Variants in SNTG1 observed in about 807,000 individuals in gnomAD.
SNTG1 encodes the protein gamma-1-syntrophin.
In SNTG1, 39 loss-of-function variants were observed where a neutral mutation model predicts 74.7. The ratio of observed to expected loss-of-function variants is 0.52; its 90% CI spans 0.40 to 0.68. The LOEUF (loss-of-function observed/expected upper bound fraction) is 0.68, where lower values mean the gene tolerates loss of function less well. Ranked by LOEUF, SNTG1 falls within the 30% of genes least tolerant of loss-of-function variation. The pLI is 0.00. For synonymous variants in SNTG1, 254 were observed against 217.1 expected (o/e 1.17, Z -1.49); for missense variants, 685 against 609.5 (o/e 1.12, Z -1.30).
intron 15 of SNTG1, among the ~76,000 whole-genome samples, chr8:50,687,950 C>T (rs1448226406): frequency 2.1e-4 from 32 of 152,148 alleles, no homozygotes; most frequent in Non-Finnish European, 1.6e-4. Context: ...TCGCCATTCT[C>T]ACTGGTGTTA....
chr8:50,553,102 C>G lies in SNTG1; in HGVS notation c.733C>G (p.Gln245Glu). The G allele has an allele frequency of 1.2e-6, 2 of 1,613,960 alleles. No individual in the cohort carries two copies. The highest frequency in any genetic ancestry group is 8.5e-7 in the Non-Finnish European group (1 of 1,179,876). Residue 245 changes from glutamine (Q) to glutamate (E), a missense_variant, in exon 12 of 19, where the codon CAG becomes GAG. By Grantham distance (29) the Gln-to-Glu change is conservative. Transcript: ENST00000642720. ...AVDGVCTGII[Q>E]CLSAEDCVDW... ...GGATGGGGTCTGCACTGGGATTATTCAGTGCCTCTCTGCTGAAGACTGCGT... is the reference window on the plus strand; with the variant it reads ...GGATGGGGTCTGCACTGGGATTATTGAGTGCCTCTCTGCTGAAGACTGCGT...
At chr8:50,704,360 G>A (rs1414262446) in intron 15 of SNTG1, among the ~76,000 whole-genome samples, 2 of 152,182 alleles carry the variant, frequency 1.3e-5, no homozygotes, top group African/African-American at 4.8e-5. Flanking sequence ...TTGTTAGTAA[G>A]AGATGAAGCC....
At chr8:50,284,951 G>A (rs187923567) in intron 2 of SNTG1, among the ~76,000 whole-genome samples, 33 of 151,994 alleles carry the variant, frequency 2.2e-4, no homozygotes, top group African/African-American at 7.5e-4. Flanking sequence ...TTGTTTGCTT[G>A]GAAATGTTAT....
intron 17 of SNTG1, among the ~76,000 whole-genome samples, chr8:50,712,603 G>A (rs1321459933): frequency 6.6e-6 from 1 of 151,970 alleles, no homozygotes; most frequent in Non-Finnish European, 1.5e-5. Context: ...CCGTCATCTA[G>A]GTTTTAACCC....
chr8:50,389,367 A>G (rs1039833945), intron 2 of SNTG1, among the ~76,000 whole-genome samples: 6 of 152,180 alleles, frequency 3.9e-5, no homozygotes, highest in African/African-American at 1.4e-4. Context: ...AGACTTATCC[A>G]GTGGAAATAC....
At chr8:50,784,515 A>G (rs1481001637) in intron 18 of SNTG1, among the ~76,000 whole-genome samples, 1 of 152,234 alleles carries the variant, frequency 6.6e-6, no homozygotes, top group Non-Finnish European at 1.5e-5. Context: ...ATATTTGATG[A>G]TAACAGAGCT....
intron 10 of SNTG1, 82 bp downstream of exon 10, chr8:50,530,341 G>T (rs544350687): frequency 7.9e-7 from 1 of 1,272,980 alleles, no homozygotes; most frequent in African/African-American, 1.5e-5. Context: ...TGATTTATCT[G>T]ACAGATAGGA....
At chr8:50,750,314 G>A (rs1437342457) in intron 17 of SNTG1, among the ~76,000 whole-genome samples, 4 of 152,002 alleles carry the variant, frequency 2.6e-5, no homozygotes, top group East Asian at 3.9e-4. Flanking sequence ...TCTTATGGAG[G>A]AGCAAAGAAA....
intron 2 of SNTG1, among the ~76,000 whole-genome samples, chr8:50,183,324 T>A (rs2083273237): frequency 6.6e-6 from 1 of 152,164 alleles, no homozygotes. Context: ...GCTATGCTGC[T>A]TCCCTCTCAG....
At chr8:50,703,065 A>G (rs909866649) in intron 15 of SNTG1, among the ~76,000 whole-genome samples, 2 of 152,166 alleles carry the variant, frequency 1.3e-5, no homozygotes, top group East Asian at 1.9e-4. Context: ...ATACAGCACT[A>G]TAGACTTTAT....
At chr8:50,413,547 A>G (rs2092976850) in intron 4 of SNTG1, among the ~76,000 whole-genome samples, 1 of 152,186 alleles carries the variant, frequency 6.6e-6, no homozygotes, top group African/African-American at 2.4e-5. Context: ...TGTCACTCTG[A>G]CATATCTATC....
intron 15 of SNTG1, among the ~76,000 whole-genome samples, chr8:50,662,528 T>A (rs375210083): frequency 6.6e-6 from 1 of 152,204 alleles, no homozygotes; most frequent in African/African-American, 2.4e-5. Flanking sequence ...TTTAAGTAAA[T>A]AGCCTAAGGT....
chr8:50,781,617 T>C (rs1283942686), intron 18 of SNTG1, among the ~76,000 whole-genome samples: 1 of 152,196 alleles, frequency 6.6e-6, no homozygotes, highest in Non-Finnish European at 1.5e-5. Context: ...TGAGATGGGT[T>C]TCCTGAATAC....
At chr8:49,960,429 C>A (rs773143286) in intron 1 of SNTG1, among the ~76,000 whole-genome samples, 1 of 152,060 alleles carries the variant, frequency 6.6e-6, no homozygotes, top group Non-Finnish European at 1.5e-5. Flanking sequence ...CCACTTACAG[C>A]ATAATATACA....
chr8:50,006,557 G>A (rs1021840236), intron 1 of SNTG1, among the ~76,000 whole-genome samples: 1 of 152,086 alleles, frequency 6.6e-6, no homozygotes, highest in African/African-American at 2.4e-5. Context: ...TTAAAAGAGG[G>A]CATTTACCTT....
chr8:49,959,026 A>G (rs150236438), intron 1 of SNTG1, among the ~76,000 whole-genome samples: 130 of 152,354 alleles, frequency 8.5e-4, no homozygotes, highest in African/African-American at 3.1e-3. Context: ...TCCTTGCAAT[A>G]TACACGTTAA....
At chr8:50,666,894 T>G (rs1325683301) in intron 15 of SNTG1, among the ~76,000 whole-genome samples, 1 of 152,048 alleles carries the variant, frequency 6.6e-6, no homozygotes, top group East Asian at 1.9e-4. Flanking sequence ...CCTTATATTT[T>G]GATATCAAAT....
chr8:50,161,215 C>T (rs556985017), intron 1 of SNTG1, among the ~76,000 whole-genome samples: 4 of 152,154 alleles, frequency 2.6e-5, no homozygotes, highest in African/African-American at 7.2e-5. Context: ...TCAGCAGCAG[C>T]GCATAGAACA....
chr8:50,184,163 T>C (rs992420063), intron 2 of SNTG1, among the ~76,000 whole-genome samples: 1 of 152,004 alleles, frequency 6.6e-6, no homozygotes, highest in Non-Finnish European at 1.5e-5. Context: ...TACATCTTTT[T>C]TATTATTATT....
Sources: gnomAD v4.1 joint callset for allele counts (sites outside exome capture counted in the v4.1 genomes callset) on GRCh38, gnomAD v4.1.1 for gene constraint, MANE v1.5 for transcripts, NCBI Gene and HGNC (gene_info 2026-07-23, HGNC 2026-07-21) for gene names.